Variants in C6 observed in about 807,000 individuals in gnomAD.
The protein encoded by C6 is complement C6.
In C6, 101 loss-of-function variants were observed where a neutral mutation model predicts 112.9. That is an observed-to-expected ratio of 0.89 (90% confidence interval 0.76 to 1.06). The LOEUF is 1.06. Among genes scored for constraint, C6 ranks in the 50% least tolerant of loss-of-function variants. The pLI, the probability that C6 is intolerant of heterozygous loss-of-function variation, is 0.00. For synonymous variants in C6, 431 were observed against 384.1 expected (o/e 1.12, Z -1.43); for missense variants, 1,202 against 1,104.6 (o/e 1.09, Z -1.25).
chr5:41,163,345 C>T (rs1747703573), intron 9 of C6, among the ~76,000 whole-genome samples: 1 of 146,866 alleles, frequency 6.8e-6, no homozygotes, highest in African/African-American at 2.5e-5. Context: ...AGAGGTCTCG[C>T]TCTGCCGCCC....
chr5:41,225,696 T>C (rs1293652522), intron 1 of C6, among the ~76,000 whole-genome samples: 7 of 152,160 alleles, frequency 4.6e-5, no homozygotes, highest in African/African-American at 1.7e-4. Flanking sequence ...AGTGTAAAAG[T>C]GTTCCTGTTT....
chr5:41,196,162 A>G (rs1487937925), intron 4 of C6, among the ~76,000 whole-genome samples: 1 of 152,126 alleles, frequency 6.6e-6, no homozygotes, highest in Non-Finnish European at 1.5e-5. Flanking sequence ...ATTGTCTTTA[A>G]AAAGAGAAAT....
chr5:41,201,629 T>C lies in C6; in HGVS notation c.229A>G (p.Arg77Gly), dbSNP rs1343545784. The C allele has an allele frequency of 6.2e-7, 1 of 1,613,690 alleles. No homozygotes were observed. The highest frequency in any genetic ancestry group is 1.1e-5 in the South Asian group (1 of 91,074). Residue 77 changes from arginine (R) to glycine (G), a missense_variant, in exon 3 of 18, where the codon AGA (arginine) becomes GGA (glycine). Coordinates refer to ENST00000337836, the MANE Select transcript of C6 (RefSeq NM_000065.5). ...KQETRECNWQRCPINCLLGDF... is the reference protein window; with the variant it reads ...KQETRECNWQGCPINCLLGDF... Reference sequence around the variant, plus strand: ...CCCAGGAGGCAGTTGATGGGGCATCTTTGCCAGTTACATTCTCTAGTCTCC... The same window carrying C: ...CCCAGGAGGCAGTTGATGGGGCATCCTTGCCAGTTACATTCTCTAGTCTCC...
rs113585910 is a variant in C6, at chr5:41,152,465, C to T, written c.2290+1345G>A. Among the ~76,000 whole-genome samples, 968 of 152,216 alleles carry T rather than the reference C, an allele frequency of 6.4e-3. 5 individuals are homozygous for T. The highest frequency in any genetic ancestry group is 9.9e-3 in the Admixed American group (152 of 15,280). Reference sequence around the variant, plus strand: ...GGCATCCCAAGAACCAAAATGACCTCGTGAGCAAGTTAATTGTCAAGGCAG... The same window carrying T: ...GGCATCCCAAGAACCAAAATGACCTTGTGAGCAAGTTAATTGTCAAGGCAG... On this transcript the variant is annotated intron_variant, in intron 15 of 17. Transcript: ENST00000337836.
intron 5 of C6, among the ~76,000 whole-genome samples, chr5:41,190,453 T>C (rs552265328): frequency 1.3e-5 from 2 of 152,260 alleles, no homozygotes; most frequent in Admixed American, 6.5e-5. Flanking sequence ...TAAATTGGAT[T>C]ATTTATTTAT....
chr5:41,169,336 C>G (rs1423293696), intron 9 of C6, among the ~76,000 whole-genome samples: 2 of 152,052 alleles, frequency 1.3e-5, no homozygotes, highest in African/African-American at 4.8e-5. Flanking sequence ...CACAGGCACA[C>G]ACACACACGC....
chr5:41,169,285 A>G (rs1393307183), intron 9 of C6, among the ~76,000 whole-genome samples: 1 of 152,086 alleles, frequency 6.6e-6, no homozygotes, highest in Non-Finnish European at 1.5e-5. Flanking sequence ...ATGCATATGC[A>G]TATGCATGTG....
intron 13 of C6, 50 bp downstream of exon 13, chr5:41,158,624 T>G: frequency 1.1e-6 from 1 of 939,850 alleles, no homozygotes; most frequent in Non-Finnish European, 1.8e-6. Flanking sequence ...AAGCTATACT[T>G]TTCGAGGTTT....
At chr5:41,199,192 A>T (rs1289600777) in intron 4 of C6, among the ~76,000 whole-genome samples, 3 of 152,196 alleles carry the variant, frequency 2.0e-5, no homozygotes, top group Admixed American at 6.5e-5. Context: ...ACTTTTCAGG[A>T]TATCTCAGAG....
At chr5:41,210,119 G>A (rs1053437812) in intron 1 of C6, among the ~76,000 whole-genome samples, 1 of 152,122 alleles carries the variant, frequency 6.6e-6, no homozygotes, top group East Asian at 1.9e-4. Flanking sequence ...AATGGGGAAA[G>A]GATTCTTTAT....
chr5:41,198,983 C>T (rs900072537), intron 4 of C6, among the ~76,000 whole-genome samples: 3 of 152,114 alleles, frequency 2.0e-5, no homozygotes, highest in Non-Finnish European at 4.4e-5. Context: ...TCCCTACCCA[C>T]ATCCTGCTCT....
chr5:41,149,599 C>T, intron 16 of C6, 117 bp from the exon 17 acceptor site: 1 of 1,317,946 alleles, frequency 7.6e-7, no homozygotes. Flanking sequence ...TTTTCCCCAC[C>T]CCACTCCAAG....
At chr5:41,235,085 T>TA in intron 1 of C6, among the ~76,000 whole-genome samples, 1 of 151,156 alleles carries the variant, frequency 6.6e-6, no homozygotes, top group Non-Finnish European at 1.5e-5. Flanking sequence ...ATGTTTTTTT[T>TA]TTTATTATAC....
In C6 at chr5:41,191,302, T is replaced by C. The variant is rs565786352; in HGVS notation, c.587+4490A>G. On this transcript the variant is annotated intron_variant, in intron 5 of 17. Transcript: ENST00000337836. Reference sequence around the variant, plus strand: ...GACTTGTCTTGAACTCCTGAACTCATGATCCACCCGCCTCGGCCTCCCAAA... The same window carrying C: ...GACTTGTCTTGAACTCCTGAACTCACGATCCACCCGCCTCGGCCTCCCAAA... Among the ~76,000 whole-genome samples, 5 of 152,138 alleles carry C rather than the reference T, an allele frequency of 3.3e-5. No homozygotes were observed. In the South Asian group the frequency reaches 1.0e-3, roughly 32 times the overall value.
chr5:41,174,967 A>T (rs1748715637), intron 8 of C6, among the ~76,000 whole-genome samples: 1 of 152,230 alleles, frequency 6.6e-6, no homozygotes, highest in Non-Finnish European at 1.5e-5. Context: ...CATTTTAACA[A>T]CAATTAAAAT....
In C6 at chr5:41,223,853, C is replaced by A. The variant is rs537926338; in HGVS notation, c.-20-20603G>T. On this transcript the variant is annotated intron_variant, in intron 1 of 17. Coordinates refer to the C6 transcript ENST00000263413. ...TCCTTCTCCAGTACAGGATCCAGCC[C>A]AAGATCATGTTCTATTTAGTTATCA... Among the ~76,000 whole-genome samples the A allele has an allele frequency of 3.4e-4, 52 of 152,122 alleles. No homozygotes were observed. The South Asian group carries it at 0.011, about 31-fold the overall frequency.
intron 5 of C6, among the ~76,000 whole-genome samples, chr5:41,194,947 G>A (rs1750494912): frequency 6.6e-6 from 1 of 152,194 alleles, no homozygotes; most frequent in African/African-American, 2.4e-5. Flanking sequence ...TAAGGTAGAT[G>A]TAGTCCTGAA....
intron 1 of C6, among the ~76,000 whole-genome samples, chr5:41,247,821 GAC>G (rs1741117289): frequency 6.7e-6 from 1 of 150,064 alleles, no homozygotes; most frequent in Non-Finnish European, 1.5e-5. Flanking sequence ...AGAAATCAAA[GAC>G]ACAAACAAAT....
intron 1 of C6, among the ~76,000 whole-genome samples, chr5:41,225,172 A>G (rs909469094): frequency 6.6e-6 from 1 of 152,118 alleles, no homozygotes; most frequent in African/African-American, 2.4e-5. Flanking sequence ...CCATTAACTC[A>G]TCATTTAACA....
Sources: gnomAD v4.1 joint callset for allele counts (sites outside exome capture counted in the v4.1 genomes callset) on GRCh38, gnomAD v4.1.1 for gene constraint, MANE v1.5 for transcripts, NCBI Gene and HGNC (gene_info 2026-07-23, HGNC 2026-07-21) for gene names.